ARRDC5: variants seen among roughly 807,000 people sequenced by gnomAD.
ARRDC5 encodes arrestin domain-containing protein 5.
Under a neutral mutation model 13.3 loss-of-function variants are expected in ARRDC5, and 12 were observed. That is an observed-to-expected ratio of 0.90 (90% CI 0.58 to 1.46). The LOEUF is 1.46. ARRDC5 is among the 40% of genes most tolerant of loss of function. ARRDC5 has a pLI of 0.00. For synonymous variants in ARRDC5, 181 were observed against 173.4 expected, an observed-to-expected ratio of 1.04 and a Z score of -0.34; for missense variants, 406 against 418.7, an observed-to-expected ratio of 0.97 and a Z score of 0.26.
chr19:4,896,361 T>TTTACACACACAC (rs761253103), intron 2 of ARRDC5, among the ~76,000 whole-genome samples: 1 of 84,988 alleles, frequency 1.2e-5, no homozygotes, highest in African/African-American at 5.6e-5. Context: ...TTTTTTTTTT[T>TTTACACACACAC]ACACACACAC....
At chr19:4,894,100 G>T (rs1030808796) in intron 2 of ARRDC5, among the ~76,000 whole-genome samples, 3 of 150,642 alleles carry the variant, frequency 2.0e-5, no homozygotes, top group Admixed American at 6.7e-5. Flanking sequence ...GAAGACAGCC[G>T]GTGCGGTGGC....
intron 1 of ARRDC5, 51 bp from the exon 2 acceptor site, chr19:4,896,927 C>T: frequency 7.9e-7 from 1 of 1,273,784 alleles, no homozygotes; most frequent in South Asian, 1.3e-5. Flanking sequence ...ATCTTTTTTC[C>T]TTCTTCTTCT....
At chr19:4,911,129 C>A in the ARRDC5 span, 5 of 1,272,308 alleles carry the variant, frequency 3.9e-6, no homozygotes, top group African/African-American at 1.5e-5. Context: ...TCCCACCTCC[C>A]CCCCCAACAA....
At chr19:4,906,306 A>G (rs1400546520), upstream of ARRDC5, among the ~76,000 whole-genome samples, 1 of 152,142 alleles carries the variant, frequency 6.6e-6, no homozygotes, top group Middle Eastern at 3.2e-3. Context: ...TAATTTGAAA[A>G]ATTTTGATGT....
chr19:4,912,416 G>T, the ARRDC5 span, among the ~76,000 whole-genome samples: 4 of 152,152 alleles, frequency 2.6e-5, no homozygotes, highest in Middle Eastern at 3.2e-3. Context: ...CACAGCGTAG[G>T]TCAGTGGCGG....
chr19:4,903,167 C>G, upstream of ARRDC5: 1 of 289,448 alleles, frequency 3.5e-6, no homozygotes. Flanking sequence ...GCTGGGACCA[C>G]GGGTGCATGC....
chr19:4,895,934 C>T (rs1206274887), intron 2 of ARRDC5, among the ~76,000 whole-genome samples: 1 of 152,242 alleles, frequency 6.6e-6, no homozygotes, highest in African/African-American at 2.4e-5. Flanking sequence ...CCACAGATGT[C>T]TCCAGACATT....
chr19:4,916,499 T>C, the ARRDC5 span, among the ~76,000 whole-genome samples: 1,526 of 152,204 alleles, frequency 0.01, 27 homozygotes, highest in African/African-American at 0.034. Context: ...TTGTGGCGGT[T>C]GTGTTGACCT....
chr19:4,896,348 A>ATATTTTT (rs1407717173), intron 2 of ARRDC5, among the ~76,000 whole-genome samples: 3 of 59,610 alleles, frequency 5.0e-5, no homozygotes, highest in African/African-American at 1.9e-4. Flanking sequence ...ATATATATAT[A>ATATTTTT]TTTTTTTTTT....
intron 2 of ARRDC5, among the ~76,000 whole-genome samples, chr19:4,895,283 C>T (rs1483976921): frequency 1.3e-5 from 2 of 151,558 alleles, no homozygotes; most frequent in East Asian, 3.9e-4. Flanking sequence ...ATTAGCTGGG[C>T]GTGGTGGTGG....
chr19:4,893,543 T>C (rs2031589094), intron 2 of ARRDC5, among the ~76,000 whole-genome samples: 1 of 150,208 alleles, frequency 6.7e-6, no homozygotes, highest in Non-Finnish European at 1.5e-5. Flanking sequence ...AAAATGCTTG[T>C]ATTCCACCAA....
the ARRDC5 span, among the ~76,000 whole-genome samples, chr19:4,911,740 G>C: frequency 6.6e-6 from 1 of 152,286 alleles, no homozygotes; most frequent in African/African-American, 2.4e-5. Flanking sequence ...TGGGGGTGGA[G>C]GTGCTACTTT....
rs200479242 is a variant in ARRDC5, at chr19:4,891,525, G to A, written c.508C>T (p.Arg170Cys). The A allele has an allele frequency of 1.2e-4, 191 of 1,613,644 alleles. No homozygotes were observed. Among genetic ancestry groups the A allele is most frequent in the Middle Eastern group, 3.3e-4 (2 of 6,084 alleles). The change falls in exon 3 of 3, where the codon CGC becomes TGC. Residue 170 changes from arginine to cysteine, a missense_variant. Transcript: ENST00000650722. ...ATTTGCAAACAGACAGTGCCCTGGC[G>A]GCAGCAGTTGTAGGAGACTTTCTCC... is the stretch of plus-strand genomic sequence containing the variant. The part of the protein sequence containing the change: ...AEEKVSYNCC[R>C]QGTVCLQIQM...
At chr19:4,913,213 T>C in the ARRDC5 span, among the ~76,000 whole-genome samples, 1 of 150,952 alleles carries the variant, frequency 6.6e-6, no homozygotes, top group Non-Finnish European at 1.5e-5. Context: ...AGTGTGACAA[T>C]GACAGGAACA....
intron 2 of ARRDC5, among the ~76,000 whole-genome samples, chr19:4,896,361 T>C (rs910113815): frequency 0.016 from 1,319 of 84,830 alleles, 30 homozygotes; most frequent in East Asian, 0.049. Context: ...TTTTTTTTTT[T>C]ACACACACAC....
In ARRDC5 at chr19:4,890,465, C is replaced by T. The variant is rs1378727779; in HGVS notation, c.*581G>A. The T allele has an allele frequency of 6.6e-6, 1 of 151,306 alleles. No homozygotes were observed. Among genetic ancestry groups the T allele is most frequent in the East Asian group, 1.9e-4 (1 of 5,160 alleles). The allele number at this position is 151,306 out of a possible 1,614,324, so 9.4% of individuals were successfully genotyped here. On this transcript the variant is annotated 3_prime_UTR_variant, in exon 3 of 3. Coordinates refer to ENST00000650722, the MANE Select transcript of ARRDC5 (RefSeq NM_001080523.3). ...AGAGATGGGGGTCTCACAGTGTTGC[C>T]CAGGCTTGTCTCAAACTCCTGGTCT... is the stretch of plus-strand genomic sequence containing the variant.
upstream of ARRDC5, among the ~76,000 whole-genome samples, chr19:4,907,261 C>T (rs2032083046): frequency 6.6e-6 from 1 of 152,104 alleles, no homozygotes; most frequent in African/African-American, 2.4e-5. Flanking sequence ...AGGCACACAC[C>T]ACCCTGCCCA....
At chr19:4,898,986 G>GT (rs2146254368) in intron 1 of ARRDC5, among the ~76,000 whole-genome samples, 1 of 151,980 alleles carries the variant, frequency 6.6e-6, no homozygotes, top group Non-Finnish European at 1.5e-5. Context: ...TTTGTGCACA[G>GT]TAGGCACTCA....
intron 1 of ARRDC5, among the ~76,000 whole-genome samples, chr19:4,897,370 A>G (rs2146251801): frequency 6.6e-6 from 1 of 152,178 alleles, no homozygotes; most frequent in East Asian, 1.9e-4. Context: ...GCCTATAAAT[A>G]TCAGGTCGCA....
Sources: gnomAD v4.1 joint callset for allele counts (sites outside exome capture counted in the v4.1 genomes callset) on GRCh38, gnomAD v4.1.1 for gene constraint, MANE v1.5 for transcripts, NCBI Gene and HGNC (gene_info 2026-07-23, HGNC 2026-07-21) for gene names.